The following CNBD1 variants were observed in gnomAD, a reference collection of about 807,000 sequenced individuals.
The protein encoded by CNBD1 is cyclic nucleotide binding domain containing 1.
CNBD1 carries 71 observed loss-of-function variants against 54.4 expected under a neutral mutation model. The ratio of observed to expected loss-of-function variants is 1.30; its 90% CI spans 1.08 to 1.59. CNBD1 has a LOEUF of 1.59. Among genes scored for constraint, CNBD1 ranks in the 40% most tolerant of loss-of-function variants. The pLI, the probability that CNBD1 is intolerant of heterozygous loss-of-function variation, is 0.00. For missense variants in CNBD1, 659 were observed against 518.0 expected, an observed-to-expected ratio of 1.27 and a Z score of -2.64; for synonymous variants, 182 against 170.7, an observed-to-expected ratio of 1.07 and a Z score of -0.51.
At chr8:87,325,719 C>A (rs1809653024) in intron 8 of CNBD1, among the ~76,000 whole-genome samples, 2 of 140,614 alleles carry the variant, frequency 1.4e-5, no homozygotes, top group Admixed American at 1.4e-4. Context: ...GATGGGTTTC[C>A]TGAATACAAC....
downstream of CNBD1, among the ~76,000 whole-genome samples, chr8:87,386,574 A>T (rs1811194863): frequency 6.6e-6 from 1 of 152,186 alleles, no homozygotes; most frequent in Non-Finnish European, 1.5e-5. Flanking sequence ...ATAAAAAGAA[A>T]TGAAAAAAGC....
intron 8 of CNBD1, among the ~76,000 whole-genome samples, chr8:87,321,073 T>C (rs1809517311): frequency 6.6e-6 from 1 of 152,180 alleles, no homozygotes; most frequent in Non-Finnish European, 1.5e-5. Flanking sequence ...TACCACATTT[T>C]ATTTACCCAT....
chr8:87,339,994 A>G (rs946716172), intron 8 of CNBD1, among the ~76,000 whole-genome samples: 5 of 152,080 alleles, frequency 3.3e-5, no homozygotes, highest in Admixed American at 1.3e-4. Flanking sequence ...TTATAATTTC[A>G]TATGCTTTCA....
intron 4 of CNBD1, among the ~76,000 whole-genome samples, chr8:87,003,090 C>G (rs947841448): frequency 9.9e-5 from 15 of 152,158 alleles, no homozygotes; most frequent in East Asian, 3.9e-4. Flanking sequence ...TGGAAGAAGT[C>G]CAGATCTGTT....
At chr8:86,971,825 T>C (rs998965597) in intron 4 of CNBD1, among the ~76,000 whole-genome samples, 1 of 152,204 alleles carries the variant, frequency 6.6e-6, no homozygotes, top group Admixed American at 6.5e-5. Flanking sequence ...TGAACACATA[T>C]TAATTCTAAA....
intron 4 of CNBD1, among the ~76,000 whole-genome samples, chr8:87,068,414 T>A (rs551619794): frequency 1.1e-4 from 16 of 152,144 alleles, no homozygotes; most frequent in Admixed American, 3.3e-4. Flanking sequence ...TAACCCAATT[T>A]AATCTTTACA....
intron 3 of CNBD1, among the ~76,000 whole-genome samples, chr8:86,929,585 A>G (rs915526135): frequency 1.3e-5 from 2 of 152,226 alleles, no homozygotes; most frequent in African/African-American, 4.8e-5. Context: ...GTTGGTAGTC[A>G]TGCTCGATTG....
chr8:86,969,305 T>C (rs1808165937), intron 4 of CNBD1, among the ~76,000 whole-genome samples: 2 of 152,216 alleles, frequency 1.3e-5, no homozygotes, highest in South Asian at 4.1e-4. Context: ...ATTAAACAAA[T>C]AAGAACGCAG....
At chr8:87,295,846 C>G (rs887440039) in intron 8 of CNBD1, among the ~76,000 whole-genome samples, 20 of 152,028 alleles carry the variant, frequency 1.3e-4, no homozygotes, top group Admixed American at 9.8e-4. Context: ...ACTTTTTTCT[C>G]TAAGCAAACC....
chr8:87,334,476 T>C (rs1586023589), intron 8 of CNBD1, among the ~76,000 whole-genome samples: 1 of 152,080 alleles, frequency 6.6e-6, no homozygotes, highest in East Asian at 1.9e-4. Context: ...TATTAGGGTG[T>C]TGATTTGAGA....
chr8:87,225,946 A>G (rs919139952), intron 5 of CNBD1, among the ~76,000 whole-genome samples: 7 of 150,770 alleles, frequency 4.6e-5, no homozygotes, highest in African/African-American at 1.7e-4. Context: ...CAGAGATTCA[A>G]CTTCTTCCTG....
chr8:87,363,456 T>A (rs975281702), intron 10 of CNBD1, among the ~76,000 whole-genome samples: 1 of 152,100 alleles, frequency 6.6e-6, no homozygotes, highest in South Asian at 2.1e-4. Context: ...TAATTTAGAC[T>A]CCCACCAACA....
At chr8:87,026,570 T>C (rs375060984) in intron 4 of CNBD1, among the ~76,000 whole-genome samples, 31 of 152,268 alleles carry the variant, frequency 2.0e-4, no homozygotes, top group Admixed American at 5.9e-4. Flanking sequence ...GATTTTCTCT[T>C]CTCTTTTTAA....
At chr8:86,931,499 C>T (rs953999004) in intron 3 of CNBD1, among the ~76,000 whole-genome samples, 4 of 151,940 alleles carry the variant, frequency 2.6e-5, no homozygotes, top group African/African-American at 9.7e-5. Flanking sequence ...AGTGTCCTTG[C>T]AAGCCACACT....
chr8:87,118,746 CTT>C (rs1705106695), intron 4 of CNBD1, among the ~76,000 whole-genome samples: 1 of 152,268 alleles, frequency 6.6e-6, no homozygotes. Context: ...GGAAAGATCT[CTT>C]GTCACTTTTG....
intron 4 of CNBD1, among the ~76,000 whole-genome samples, chr8:87,050,600 G>C (rs1301345849): frequency 6.6e-6 from 1 of 152,184 alleles, no homozygotes; most frequent in African/African-American, 2.4e-5. Context: ...AAGGCAAACA[G>C]GTATTGAGAG....
At chr8:86,912,915 T>C (rs1809126545) in intron 3 of CNBD1, among the ~76,000 whole-genome samples, 1 of 151,942 alleles carries the variant, frequency 6.6e-6, no homozygotes, top group African/African-American at 2.4e-5. Flanking sequence ...TAATTGTGTA[T>C]GTGTAACAAC....
chr8:87,426,537 A>C (rs1278516856), intron 2 of CNBD1, among the ~76,000 whole-genome samples: 1 of 152,246 alleles, frequency 6.6e-6, no homozygotes, highest in Non-Finnish European at 1.5e-5. Context: ...ACAATAACAG[A>C]AACTTATAAT....
chr8:87,389,250 G>A (rs1811257726), intron 2 of CNBD1, among the ~76,000 whole-genome samples: 1 of 152,136 alleles, frequency 6.6e-6, no homozygotes, highest in African/African-American at 2.4e-5. Context: ...GTTCTGGCCA[G>A]GGCAATCAGG....
Sources: gnomAD v4.1 joint callset for allele counts (sites outside exome capture counted in the v4.1 genomes callset) on GRCh38, gnomAD v4.1.1 for gene constraint, MANE v1.5 for transcripts, NCBI Gene and HGNC (gene_info 2026-07-23, HGNC 2026-07-21) for gene names.